Variants in ROPN1 observed in about 807,000 individuals in gnomAD.
ROPN1 encodes the protein ropporin-1A.
A neutral mutation model predicts 20.5 loss-of-function variants in ROPN1; 14 were observed. The ratio of observed to expected loss-of-function variants is 0.68; its 90% CI spans 0.45 to 1.07. The LOEUF (loss-of-function observed/expected upper bound fraction) is 1.07, where lower values mean the gene tolerates loss of function less well. Among genes scored for constraint, ROPN1 ranks in the 50% least tolerant of loss-of-function variants. The pLI, the probability that ROPN1 is intolerant of heterozygous loss-of-function variation, is 0.00. For synonymous variants in ROPN1, 76 were observed against 95.7 expected, an observed-to-expected ratio of 0.79 and a Z score of 1.20; for missense variants, 169 against 242.8, an observed-to-expected ratio of 0.70 and a Z score of 2.02.
rs1284384239 is a variant in ROPN1 at position 123,990,546 on chromosome 3, C to T, written c.-13+1376G>A. On this transcript the variant is annotated intron_variant, in intron 1 of 5. Transcript: ENST00000405845. ...TAGACTCTCTGAGTTGAAGAGGCAC[C>T]AAAGCCCAGCTTTCCTGCCTTTGGG... 2.0e-5 allele frequency among the ~76,000 whole-genome samples: 3 copies of T among 152,238 alleles called. No individual in the cohort carries two copies. In the East Asian group the frequency reaches 5.8e-4, roughly 29 times the overall value.
chr3:123,971,691 A>C (rs1183528884), intron 4 of ROPN1, among the ~76,000 whole-genome samples: 1 of 152,146 alleles, frequency 6.6e-6, no homozygotes, highest in Non-Finnish European at 1.5e-5. Flanking sequence ...GTAGATTTGC[A>C]AGCACACTCT....
intron 4 of ROPN1, among the ~76,000 whole-genome samples, chr3:123,971,007 T>C (rs898319647): frequency 1.3e-5 from 2 of 152,022 alleles, no homozygotes; most frequent in Admixed American, 1.3e-4. Context: ...GAAATGAAGG[T>C]CACCAACAGA....
chr3:123,969,575 G>A (rs2037873265), intron 5 of ROPN1, among the ~76,000 whole-genome samples: 1 of 152,206 alleles, frequency 6.6e-6, no homozygotes, highest in South Asian at 2.1e-4. Flanking sequence ...ACCCACCCTA[G>A]GGTTACAGGT....
intron 4 of ROPN1, 150 bp from the exon 5 acceptor site, chr3:123,970,367 T>G: frequency 1.5e-6 from 1 of 666,454 alleles, no homozygotes; most frequent in Non-Finnish European, 2.5e-6. Flanking sequence ...AATTTTTACA[T>G]TCAAATGTCA....
At chr3:123,979,318 C>G (rs1387538555) in intron 2 of ROPN1, 4 of 351,626 alleles carry the variant, frequency 1.1e-5, no homozygotes, top group African/African-American at 8.6e-5. Context: ...CCCAGGACAC[C>G]CACTCACAAC....
In ROPN1 at chr3:123,986,769, T is replaced by G. The variant is rs150202716; in HGVS notation, c.-13+5153A>C. Among the ~76,000 whole-genome samples, 356 of 152,242 alleles carry G rather than the reference T, an allele frequency of 2.3e-3. 8 individuals carry two copies. In the South Asian group the frequency reaches 0.03, roughly 13 times the overall value. The stretch of plus-strand genomic sequence containing the variant: ...GTAGTTGTTGTGGGCTCAGGGAAGC[T>G]GTAGTATGGGGAGGGAAAGTACTGG... On this transcript the variant is annotated intron_variant, in intron 1 of 5. Coordinates refer to ENST00000405845, the MANE Select transcript of ROPN1 (RefSeq NM_001317774.2).
intron 4 of ROPN1, among the ~76,000 whole-genome samples, chr3:123,974,303 G>A (rs1191699186): frequency 6.6e-6 from 1 of 152,156 alleles, no homozygotes; most frequent in African/African-American, 2.4e-5. Context: ...CCCCAGTCCT[G>A]ACTGACAACT....
chr3:123,981,986 G>A (rs1309521561), intron 1 of ROPN1, among the ~76,000 whole-genome samples: 1 of 151,982 alleles, frequency 6.6e-6, no homozygotes, highest in Non-Finnish European at 1.5e-5. Context: ...CAAATAACAT[G>A]GTAGAAAATA....
chr3:123,972,587 G>C (rs1559821307), intron 4 of ROPN1, among the ~76,000 whole-genome samples: 1 of 152,316 alleles, frequency 6.6e-6, no homozygotes, highest in East Asian at 1.9e-4. Context: ...GAAGGGAGGA[G>C]GAATACAGGT....
rs773878395 is a variant in ROPN1, at chr3:123,969,123, T to C, written c.*32A>G. ...TCATTCTGAAGTACAATCATCTCTG[T>C]ATCTTCCTTTAAAATTGCCAAAATT... On this transcript the variant is annotated 3_prime_UTR_variant, in exon 6 of 6. Transcript: ENST00000405845. The C allele has an allele frequency of 1.6e-4, 255 of 1,565,874 alleles. 2 individuals carry two copies. The East Asian group carries it at 5.6e-3, about 34-fold the overall frequency.
intron 4 of ROPN1, among the ~76,000 whole-genome samples, chr3:123,970,607 G>T (rs1476481282): frequency 6.6e-6 from 1 of 152,140 alleles, no homozygotes; most frequent in Admixed American, 6.5e-5. Context: ...GAGATAGATG[G>T]TCTAGCCTAT....
chr3:123,977,480 C>T (rs13327516), intron 2 of ROPN1, among the ~76,000 whole-genome samples: 1,765 of 152,216 alleles, frequency 0.012, 30 homozygotes, highest in African/African-American at 0.04. Context: ...TTTGAGGCTG[C>T]AGTGAACTAT....
intron 4 of ROPN1, among the ~76,000 whole-genome samples, chr3:123,973,592 A>C (rs2037956026): frequency 6.6e-6 from 1 of 152,184 alleles, no homozygotes; most frequent in Non-Finnish European, 1.5e-5. Context: ...CCTAGCATCT[A>C]CACCGTGGGC....
At chr3:123,980,281 G>T in intron 2 of ROPN1, 85 bp downstream of exon 2, 1 of 1,259,810 alleles carries the variant, frequency 7.9e-7, no homozygotes, top group Non-Finnish European at 1.2e-6. Context: ...CTTCCTAGCT[G>T]CAGCCATGAC....
At position 123,976,993 on chromosome 3, in the gene ROPN1, A is replaced by G. The variant is rs2038038643; in HGVS notation, c.117-12T>C. ...GGGCCTCAAAATAACTACAAGAAAA[A>G]AAGTCAGAGAGTAGGAGGATCCTAT... On this transcript the variant is annotated splice_polypyrimidine_tract_variant and intron_variant, in intron 2 of 5. Transcript: ENST00000405845. The G allele has an allele frequency of 6.2e-7, 1 of 1,607,258 alleles. No homozygotes were observed.
At position 123,980,409 on chromosome 3, in the gene ROPN1, C is replaced by T. The variant is rs780741651; in HGVS notation, c.73G>A (p.Ala25Thr). 7 of 1,614,148 alleles carry T rather than the reference C, an allele frequency of 4.3e-6. No homozygotes were observed. Among genetic ancestry groups the T allele is most frequent in the Non-Finnish European group, 5.9e-6 (7 of 1,180,018 alleles). ...AGGTCCTGCGGCTGCACCCTAATGG[C>T]GGCTTTGGCAAACTCCTTCAGCATC... ...PKMLKEFAKAAIRVQPQDLIQ... is the reference protein window; with the variant it reads ...PKMLKEFAKATIRVQPQDLIQ... Residue 25 changes from alanine to threonine, a missense_variant, in exon 2 of 6, where the codon GCC (alanine) becomes ACC (threonine). Physicochemically the swap from Ala to Thr is moderately conservative, Grantham distance 58. This residue lies in a region of ROPN1 where 84 missense variants were observed against 99.3 expected (regional missense o/e 0.85). Transcript: ENST00000405845.
chr3:123,983,068 T>G (rs969950732), intron 1 of ROPN1, among the ~76,000 whole-genome samples: 1 of 152,216 alleles, frequency 6.6e-6, no homozygotes, highest in African/African-American at 2.4e-5. Context: ...TAGTCAGATG[T>G]GTTACCCATT....
At chr3:123,980,335 C>T (rs766254791) in intron 2 of ROPN1, 31 bp downstream of exon 2, 2 of 1,611,490 alleles carry the variant, frequency 1.2e-6, no homozygotes, top group South Asian at 2.2e-5. Context: ...GGCCGTCCTC[C>T]AAGGGGTGAA....
intron 2 of ROPN1, chr3:123,979,793 A>C (rs1299636516): frequency 5.7e-6 from 2 of 348,902 alleles, no homozygotes; most frequent in Admixed American, 8.2e-5. Context: ...CACTAAAGAA[A>C]ATAACAATAA....
Sources: allele counts gnomAD v4.1 joint callset (sites outside exome capture counted in the v4.1 genomes callset), GRCh38; gene constraint gnomAD v4.1.1; regional missense constraint gnomAD v4.1.1; transcripts MANE v1.5; gene names NCBI Gene and HGNC (gene_info 2026-07-23, HGNC 2026-07-21).